DUSP4: variants seen among roughly 807,000 people sequenced by gnomAD.
DUSP4 encodes dual specificity phosphatase 4.
A neutral mutation model predicts 27.2 loss-of-function variants in DUSP4; 12 were observed. The observed-to-expected ratio is 0.44, with a 90% CI of 0.28 to 0.71. The LOEUF is 0.71. Among genes scored for constraint, DUSP4 ranks in the 30% least tolerant of loss-of-function variants. The pLI is 0.14. For synonymous variants in DUSP4, 257 were observed against 245.2 expected, an observed-to-expected ratio of 1.05 and a Z score of -0.45; for missense variants, 448 against 551.3, an observed-to-expected ratio of 0.81 and a Z score of 1.88.
intron 1 of DUSP4, 48 bp downstream of exon 1, chr8:29,349,797 AC>A: frequency 6.9e-7 from 1 of 1,445,840 alleles, no homozygotes; most frequent in Non-Finnish European, 9.0e-7. Flanking sequence ...GGCCGCCAAG[AC>A]CCCCTCCATC....
At chr8:29,340,284 G>A in intron 1 of DUSP4, 41 bp from the exon 2 acceptor site, 1 of 1,555,390 alleles carries the variant, frequency 6.4e-7, no homozygotes, top group South Asian at 1.2e-5. Flanking sequence ...GGGTCACTAA[G>A]CCAGCAGGAA....
intron 1 of DUSP4, chr8:29,348,667 C>T: frequency 1.0e-6 from 1 of 985,416 alleles, no homozygotes; most frequent in Non-Finnish European, 1.2e-6. Flanking sequence ...GGAGAGGTTT[C>T]CGCCCCCTTT....
intron 1 of DUSP4, among the ~76,000 whole-genome samples, chr8:29,347,313 T>C (rs1321893502): frequency 6.6e-6 from 1 of 152,218 alleles, no homozygotes; most frequent in East Asian, 1.9e-4. Flanking sequence ...TGGGAGCAGA[T>C]ACTGACTTTT....
Position 29,350,095 on chromosome 8 carries a change from G to T in DUSP4, c.184C>A (p.Leu62Ile). The change falls in exon 1 of 4, where the codon CTA (leucine) becomes ATA (isoleucine). Residue 62 changes from leucine to isoleucine, a missense_variant. Coordinates refer to ENST00000240100, the MANE Select transcript of DUSP4 (RefSeq NM_001394.7). ...PFLAHSAGYI[L>I]GSVNVRCNTI... ...TTACAGCGCACGTTGACCGAACCTA[G>T]GATGTAGCCCGCGCTGTGCGCCAGG... The T allele has an allele frequency of 6.2e-7, 1 of 1,608,454 alleles. No homozygotes were observed.
chr8:29,340,131 G>C lies in DUSP4; in HGVS notation c.546C>G (p.Gly182=). The change falls in exon 2 of 4, where the codon GGC becomes GGG. Residue 182 remains glycine, a synonymous_variant. Transcript: ENST00000240100. ...PPSATEPLDL[G]CSSCGTPLHD... ...GTAGTGGGGTCCCACAGGAGCTGCA[G>C]CCCAGGTCCAAGGGCTCTGTGGCAC... 1 of 1,596,946 alleles carries C rather than the reference G, an allele frequency of 6.3e-7. No individual in the cohort carries two copies. Among genetic ancestry groups the C allele is most frequent in the Non-Finnish European group, 8.5e-7 (1 of 1,171,414 alleles).
chr8:29,344,200 T>C (rs1421787151), intron 1 of DUSP4, among the ~76,000 whole-genome samples: 2 of 152,216 alleles, frequency 1.3e-5, no homozygotes, highest in Non-Finnish European at 2.9e-5. Flanking sequence ...TAAGTTCCAA[T>C]ATCCTCTGCT....
Position 29,335,343 on chromosome 8 carries a change from G to T in DUSP4, c.*1683C>A, listed in dbSNP as rs1271468686. On this transcript the variant is annotated 3_prime_UTR_variant, in exon 4 of 4. Coordinates refer to ENST00000240100, the MANE Select transcript of DUSP4 (RefSeq NM_001394.7). Reference sequence around the variant, plus strand: ...AAAATGGCGCCTGCGTGCCCATGACGCACGTCACGGGAGCCAGCGGCCAGC... The same window carrying T: ...AAAATGGCGCCTGCGTGCCCATGACTCACGTCACGGGAGCCAGCGGCCAGC... The T allele has an allele frequency of 6.6e-6, 1 of 152,136 alleles. No individual in the cohort carries two copies. Among genetic ancestry groups the T allele is most frequent in the Non-Finnish European group, 1.5e-5 (1 of 68,016 alleles). 9.4% of individuals were successfully genotyped at this position (152,136 alleles called of 1,614,324 possible). A position where few individuals can be genotyped will look rare whatever the true frequency, so the allele number is the denominator to read the frequency against.
At position 29,333,684 on chromosome 8, in the gene DUSP4, A is replaced by G. The variant is rs1176457067; in HGVS notation, c.*3342T>C. 6.6e-6 allele frequency: 1 copy of G among 152,320 alleles called. No individual in the cohort carries two copies. Among genetic ancestry groups the G allele is most frequent in the East Asian group, 1.9e-4 (1 of 5,202 alleles). 9.4% of individuals were successfully genotyped at this position (152,320 alleles called of 1,614,324 possible). ...CCAAGCTCGGCTGCACAGGGAAAAC[A>G]CCCGGGGAGCTACGAAACACACTGA... On this transcript the variant is annotated 3_prime_UTR_variant, in exon 4 of 4. Coordinates refer to ENST00000240100, the MANE Select transcript of DUSP4 (RefSeq NM_001394.7).
chr8:29,334,929 G>A lies in DUSP4; in HGVS notation c.*2097C>T, dbSNP rs573971337. 15 of 152,284 alleles carry A rather than the reference G, an allele frequency of 9.9e-5. No homozygotes were observed. Among genetic ancestry groups the A allele is most frequent in the African/African-American group, 3.6e-4 (15 of 41,550 alleles). The allele number at this position is 152,284 out of a possible 1,614,324, so 9.4% of individuals were successfully genotyped here. A position where few individuals can be genotyped will look rare whatever the true frequency, so the allele number is the denominator to read the frequency against. On this transcript the variant is annotated 3_prime_UTR_variant, in exon 4 of 4. Transcript: ENST00000240100. ...GCTTGGTGAAGTCAGGATGAATGAT[G>A]CCGTCACAGGTTCATGGTTCATGGA...
Position 29,344,847 on chromosome 8 carries a change from T to TCC in DUSP4, c.434-4606_434-4605dup, listed in dbSNP as rs377281472. 4.0e-5 allele frequency among the ~76,000 whole-genome samples: 6 copies of TCC among 149,720 alleles called. No homozygotes were observed. In the East Asian group the frequency reaches 7.8e-4, roughly 20 times the overall value. On this transcript the variant is annotated intron_variant, in intron 1 of 3. Coordinates refer to ENST00000240100, the MANE Select transcript of DUSP4 (RefSeq NM_001394.7). ...GTCATGGATCTTTTTTTTTTTTTTT[T>TCC]CCCCAGACAGGGTCTGTCACTGTCA...
At position 29,336,171 on chromosome 8, in the gene DUSP4, T is replaced by C. The variant is rs949705026; in HGVS notation, c.*855A>G. The C allele has an allele frequency of 1.3e-5, 2 of 151,272 alleles. No individual in the cohort carries two copies. The highest frequency in any genetic ancestry group is 1.3e-4 in the Admixed American group (2 of 15,164). 9.4% of individuals were successfully genotyped at this position (151,272 alleles called of 1,614,324 possible). On this transcript the variant is annotated 3_prime_UTR_variant, in exon 4 of 4. Transcript: ENST00000240100. ...CACCCAACCCGCCTGCTTCTCAAGA[T>C]GAGCCTTGGCAACATAGTGAGATGC...
At position 29,336,974 on chromosome 8, in the gene DUSP4, C is replaced by T. The variant is rs932584306; in HGVS notation, c.*52G>A. 1.5e-5 allele frequency: 22 copies of T among 1,482,752 alleles called. No individual in the cohort carries two copies. The highest frequency in any genetic ancestry group is 4.9e-5 in the East Asian group (2 of 41,228). 91.8% of individuals were successfully genotyped at this position (1,482,752 alleles called of 1,614,324 possible). On this transcript the variant is annotated 3_prime_UTR_variant, in exon 4 of 4. Coordinates refer to ENST00000240100, the MANE Select transcript of DUSP4 (RefSeq NM_001394.7). ...CCCAACTTTCTGCCCGCATGCGGCC[C>T]GTCCTACCCTTGCTGGGAGCCAGCT...
At chr8:29,349,702 C>T in intron 1 of DUSP4, 144 bp downstream of exon 1, 1 of 1,198,684 alleles carries the variant, frequency 8.3e-7, no homozygotes, top group Non-Finnish European at 1.1e-6. Context: ...CAAACCCCTA[C>T]ACACCAACAC....
At chr8:29,340,266 G>A in intron 1 of DUSP4, 23 bp from the exon 2 acceptor site, 1 of 1,580,460 alleles carries the variant, frequency 6.3e-7, no homozygotes, top group Non-Finnish European at 8.6e-7. Flanking sequence ...AAGAAGCTCA[G>A]GTTAATGGGG....
At chr8:29,348,828 C>A (rs1351736704) in intron 1 of DUSP4, 2 of 984,548 alleles carry the variant, frequency 2.0e-6, no homozygotes, top group Admixed American at 6.1e-5. Context: ...GAAGCGCAGA[C>A]CCTACCCGCG....
chr8:29,342,077 C>G (rs908362579), intron 1 of DUSP4, among the ~76,000 whole-genome samples: 3 of 152,166 alleles, frequency 2.0e-5, no homozygotes, highest in Non-Finnish European at 4.4e-5. Context: ...ATCGCCTGCA[C>G]TCAAAAGTGA....
chr8:29,348,895 GC>G (rs1231703398), intron 1 of DUSP4: 5 of 580,118 alleles, frequency 8.6e-6, no homozygotes, highest in Non-Finnish European at 1.1e-5. Flanking sequence ...GGCGGGGGGC[GC>G]CCGGACCCCA....
chr8:29,349,072 C>G (rs1415889611), intron 1 of DUSP4, among the ~76,000 whole-genome samples: 1 of 152,224 alleles, frequency 6.6e-6, no homozygotes, highest in African/African-American at 2.4e-5. Flanking sequence ...CGCCAGGGCT[C>G]GCTAAAATCC....
chr8:29,349,178 G>A (rs1817784897), intron 1 of DUSP4, among the ~76,000 whole-genome samples: 1 of 152,226 alleles, frequency 6.6e-6, no homozygotes, highest in Non-Finnish European at 1.5e-5. Flanking sequence ...GACCGGTTCC[G>A]CCCGGCGTCC....
Sources: allele counts gnomAD v4.1 joint callset (sites outside exome capture counted in the v4.1 genomes callset), GRCh38; gene constraint gnomAD v4.1.1; transcripts MANE v1.5; gene names NCBI Gene and HGNC (gene_info 2026-07-23, HGNC 2026-07-21).